TIAM2: variants seen among roughly 807,000 people sequenced by gnomAD.
TIAM2 encodes the protein TIAM Rac1 associated GEF 2, also known as rho guanine nucleotide exchange factor TIAM2.
Under a neutral mutation model 152.9 loss-of-function variants are expected in TIAM2, and 80 were observed. That is an observed-to-expected ratio of 0.52 (90% CI 0.44 to 0.63). The LOEUF is 0.63. Among genes scored for constraint, TIAM2 ranks in the 30% least tolerant of loss-of-function variants. The pLI, the probability that TIAM2 is intolerant of heterozygous loss-of-function variation, is 0.00. For missense variants in TIAM2, 1,965 were observed against 2,120.1 expected, an observed-to-expected ratio of 0.93 and a Z score of 1.44; for synonymous variants, 804 against 838.0, an observed-to-expected ratio of 0.96 and a Z score of 0.70.
intron 7 of TIAM2, among the ~76,000 whole-genome samples, chr6:155,163,271 A>G (rs925404439): frequency 7.2e-5 from 11 of 152,140 alleles, no homozygotes; most frequent in South Asian, 2.1e-4. Context: ...TTGAGTGTTG[A>G]GATTGCGCTC....
chr6:155,157,555 T>C (rs1341585621), intron 7 of TIAM2, among the ~76,000 whole-genome samples: 1 of 152,028 alleles, frequency 6.6e-6, no homozygotes, highest in Non-Finnish European at 1.5e-5. Flanking sequence ...GATCCTCCTG[T>C]CTCGGCCTCT....
At chr6:155,140,573 T>TGTGTGAGA (rs1331424200) in intron 5 of TIAM2, among the ~76,000 whole-genome samples, 32 of 107,402 alleles carry the variant, frequency 3.0e-4, no homozygotes, top group African/African-American at 1.1e-3. Flanking sequence ...TGTGTGTGTG[T>TGTGTGAGA]GAGAGAGAGA....
At chr6:155,234,425 C>G (rs566402097) in intron 15 of TIAM2, among the ~76,000 whole-genome samples, 120 of 152,344 alleles carry the variant, frequency 7.9e-4, no homozygotes, top group African/African-American at 2.7e-3. Flanking sequence ...TGTGCCACCA[C>G]AGCCAGCTAA....
In TIAM2 at chr6:155,028,536, TAC is replaced by T. The variant is rs1278771857; in HGVS notation, c.-209+33046_-209+33047del. ...ACTACATATAATATATATACTGTGTTACATATATACTACATATAATATATATA... is the reference window on the plus strand; with the variant it reads ...ACTACATATAATATATATACTGTGTTATATATACTACATATAATATATATA... On this transcript the variant is annotated intron_variant, in intron 1 of 26. Transcript: ENST00000682666. Among the ~76,000 whole-genome samples, 70 of 139,464 alleles carry T rather than the reference TAC, an allele frequency of 5.0e-4. 1 individual carries two copies. Among genetic ancestry groups the T allele is most frequent in the African/African-American group, 1.6e-3 (64 of 38,854 alleles). The allele number at this position is 139,464 out of a possible 152,430, so 91.5% of individuals were successfully genotyped here.
rs190889765 is a variant in TIAM2, at chr6:155,063,135, G to T, written c.-208-27154G>T. 4.6e-5 allele frequency among the ~76,000 whole-genome samples: 7 copies of T among 151,496 alleles called. No homozygotes were observed. In the East Asian group the frequency reaches 1.2e-3, roughly 25 times the overall value. ...ATGTGACTTGTCATTTTTTTTTTAA[G>T]AAAATAACTGGTTCAGATTTAGTGG... On this transcript the variant is annotated intron_variant, in intron 1 of 26. Transcript: ENST00000682666.
At chr6:155,021,936 C>G (rs1011959199) in intron 1 of TIAM2, among the ~76,000 whole-genome samples, 1 of 152,204 alleles carries the variant, frequency 6.6e-6, no homozygotes, top group Non-Finnish European at 1.5e-5. Context: ...AAGCCCCTGT[C>G]CTGACCTCCT....
intron 5 of TIAM2, among the ~76,000 whole-genome samples, chr6:155,140,446 A>G (rs1779665870): frequency 6.6e-6 from 1 of 152,118 alleles, no homozygotes; most frequent in African/African-American, 2.4e-5. Flanking sequence ...TGTTTCTTAA[A>G]ATTAATTCTG....
chr6:155,179,103 A>G lies in TIAM2; in HGVS notation c.2588A>G (p.Glu863Gly). 3 of 1,614,150 alleles carry G rather than the reference A, an allele frequency of 1.9e-6. No homozygotes were observed. Among genetic ancestry groups the G allele is most frequent in the Non-Finnish European group, 2.5e-6 (3 of 1,180,006 alleles). ...CGAAAATTAGTAGATGACAATGTTGAGTATTGCATCCCTGCACCATATGAA... is the reference window on the plus strand; with the variant it reads ...CGAAAATTAGTAGATGACAATGTTGGGTATTGCATCCCTGCACCATATGAA... The part of the protein sequence containing the change: ...QLRKLVDDNV[E>G]YCIPAPYEYM... Residue 863 changes from glutamate to glycine, a missense_variant, in exon 11 of 27, where the codon GAG becomes GGG. Glu to Gly is a moderately conservative substitution (Grantham distance 98). Around this residue, in one of 3 missense-constraint regions of TIAM2, gnomAD observed 1,025 missense variants for 1,119.4 expected, o/e 0.92. Transcript: ENST00000682666.
chr6:155,154,711 A>G (rs1780064118), intron 7 of TIAM2, among the ~76,000 whole-genome samples: 2 of 152,136 alleles, frequency 1.3e-5, no homozygotes, highest in Non-Finnish European at 2.9e-5. Context: ...CAGGGTAGAC[A>G]GGCCTGCTTC....
At chr6:155,080,087 A>G (rs1281304474) in intron 1 of TIAM2, among the ~76,000 whole-genome samples, 3 of 152,208 alleles carry the variant, frequency 2.0e-5, no homozygotes, top group Admixed American at 1.3e-4. Flanking sequence ...AACAAAATTC[A>G]TTGATGAATC....
At chr6:155,111,031 A>G (rs923243255) in intron 2 of TIAM2, among the ~76,000 whole-genome samples, 3 of 152,180 alleles carry the variant, frequency 2.0e-5, no homozygotes, top group Non-Finnish European at 4.4e-5. Context: ...GGGAAGGGCT[A>G]AGGAGAGACA....
intron 1 of TIAM2, among the ~76,000 whole-genome samples, chr6:155,073,410 G>A (rs1004033821): frequency 3.3e-5 from 5 of 152,082 alleles, no homozygotes; most frequent in South Asian, 2.1e-4. Context: ...TGATCCACCC[G>A]CCTCGGCCTC....
At chr6:155,115,131 C>T (rs1031293567) in intron 2 of TIAM2, among the ~76,000 whole-genome samples, 12 of 139,154 alleles carry the variant, frequency 8.6e-5, no homozygotes, top group African/African-American at 3.3e-4. Flanking sequence ...CCTGGCCAAA[C>T]CACTCTTTTG....
intron 14 of TIAM2, among the ~76,000 whole-genome samples, chr6:155,193,403 C>CAAAAAAAAAAAAAAAAA (rs35559546): frequency 6.6e-6 from 1 of 150,736 alleles, no homozygotes; most frequent in Admixed American, 6.6e-5. Context: ...GACCTTGTCT[C>CAAAAAAAAAAAAAAAAA]AAAAAAAAAT....
At chr6:155,176,794 T>C (rs1780769264) in intron 9 of TIAM2, 22 bp from the exon 10 acceptor site, 1 of 1,603,374 alleles carries the variant, frequency 6.2e-7, no homozygotes, top group African/African-American at 1.3e-5. Flanking sequence ...TGTCTGCATT[T>C]TCTTTTGGCA....
At position 155,148,202 on chromosome 6, in the gene TIAM2, G is replaced by C. The variant is rs146947115; in HGVS notation, c.1896G>C (p.Thr632=). 8.9e-4 allele frequency: 1,434 copies of C among 1,613,300 alleles called. 22 individuals carry two copies. The African/African-American group carries it at 0.018, about 20-fold the overall frequency. The change falls in exon 7 of 27, where the codon ACG becomes ACC. Residue 632 remains threonine (T), a synonymous_variant. Coordinates refer to ENST00000682666, the MANE Select transcript of TIAM2 (RefSeq NM_012454.4). ...CAAAGAAGCATGGGAAAGAGGACAC[G>C]CTGCGGCTGCTGAAGAACCAGACCA... The part of the protein sequence containing the change: ...LFAKKHGKED[T]LRLLKNQTKN...
In TIAM2 at chr6:155,250,749, T is replaced by C; in HGVS notation, c.3952-164T>C. 7 of 1,137,994 alleles carry C rather than the reference T, an allele frequency of 6.2e-6. 1 individual carries two copies. In the South Asian group the frequency reaches 1.0e-4, roughly 17 times the overall value. 70.5% of individuals were successfully genotyped at this position (1,137,994 alleles called of 1,614,324 possible). On this transcript the variant is annotated intron_variant, in intron 21 of 26. Coordinates refer to ENST00000682666, the MANE Select transcript of TIAM2 (RefSeq NM_012454.4). ...AGACACTTGGGTGCTTAACTCATAT[T>C]TTCAAAAGCTCCACCGTTTAAGGCC...
chr6:155,060,159 T>C (rs1185968235), intron 1 of TIAM2, among the ~76,000 whole-genome samples: 1 of 152,210 alleles, frequency 6.6e-6, no homozygotes, highest in African/African-American at 2.4e-5. Flanking sequence ...ATCCCAGCAC[T>C]TTGGGAGGCC....
rs556553212 is a variant in TIAM2 at position 155,016,053 on chromosome 6, AG to A, written c.-209+20565del. On this transcript the variant is annotated intron_variant, in intron 1 of 26. Transcript: ENST00000682666. ...TTAAAAGGCAACAATACTTGCTGGC[AG>A]GGGATCTTCAAGCGTTGCTGGTGGG... Among the ~76,000 whole-genome samples the A allele has an allele frequency of 1.1e-3, 170 of 151,042 alleles. 2 individuals are homozygous for A. Among genetic ancestry groups the A allele is most frequent in the African/African-American group, 4.0e-3 (164 of 41,394 alleles).
Sources: gnomAD v4.1 joint callset for allele counts (sites outside exome capture counted in the v4.1 genomes callset) on GRCh38, gnomAD v4.1.1 for gene constraint, gnomAD v4.1.1 regional missense constraint, MANE v1.5 for transcripts, NCBI Gene and HGNC (gene_info 2026-07-23, HGNC 2026-07-21) for gene names.